NOL7: variants seen among roughly 807,000 people sequenced by gnomAD.
NOL7 encodes U3 small nucleolar RNA-associated protein NOL7.
A neutral mutation model predicts 38.4 loss-of-function variants in NOL7; 36 were observed. That is an observed-to-expected ratio of 0.94 (90% CI 0.72 to 1.24). The LOEUF is 1.24. Among genes scored for constraint, NOL7 ranks in the 50% most tolerant of loss-of-function variants. The pLI is 0.00. For missense variants in NOL7, 350 were observed against 315.1 expected (o/e 1.11, Z -0.84); for synonymous variants, 142 against 126.5 (o/e 1.12, Z -0.82).
intron 8 of NOL7, among the ~76,000 whole-genome samples, chr6:13,628,573 C>T (rs1052960815): frequency 2.6e-5 from 4 of 152,150 alleles, no homozygotes; most frequent in African/African-American, 9.7e-5. Context: ...CACTATAAAA[C>T]ATGGCTTGGA....
intron 8 of NOL7, among the ~76,000 whole-genome samples, chr6:13,628,323 C>T (rs1462636022): frequency 6.6e-6 from 1 of 152,144 alleles, no homozygotes; most frequent in Non-Finnish European, 1.5e-5. Flanking sequence ...GTCACTGCTT[C>T]AAGAAAAGGC....
At chr6:13,619,947 G>A (rs556028911) in intron 5 of NOL7, among the ~76,000 whole-genome samples, 1 of 152,304 alleles carries the variant, frequency 6.6e-6, no homozygotes, top group Non-Finnish European at 1.5e-5. Context: ...ACAAGGTCAG[G>A]AGTTCGAGAC....
chr6:13,617,717 T>C, intron 3 of NOL7, 53 bp from the exon 4 acceptor site: 1 of 1,559,464 alleles, frequency 6.4e-7, no homozygotes, highest in Non-Finnish European at 8.8e-7. Flanking sequence ...TATAACATGT[T>C]TTGAGTAATC....
chr6:13,629,771 A>C (rs1764722216), intron 8 of NOL7, among the ~76,000 whole-genome samples: 1 of 152,206 alleles, frequency 6.6e-6, no homozygotes, highest in Non-Finnish European at 1.5e-5. Context: ...ATAAGGAACA[A>C]AGACAACAGG....
At chr6:13,620,526 A>G (rs771187326) in intron 7 of NOL7, 41 bp downstream of exon 7, 1 of 1,524,168 alleles carries the variant, frequency 6.6e-7, no homozygotes, top group Non-Finnish European at 9.1e-7. Flanking sequence ...ATAGCTTTAT[A>G]TGTTGAATAA....
chr6:13,619,632 T>C (rs1402094931), intron 5 of NOL7, among the ~76,000 whole-genome samples: 4 of 152,256 alleles, frequency 2.6e-5, no homozygotes, highest in Admixed American at 1.3e-4. Flanking sequence ...TGTTAACTAA[T>C]GTTTTGACTT....
chr6:13,618,811 A>T (rs1374734774), intron 5 of NOL7, among the ~76,000 whole-genome samples: 6 of 152,144 alleles, frequency 3.9e-5, no homozygotes, highest in Admixed American at 3.9e-4. Context: ...GGATCACTTG[A>T]GCCCAGGAGG....
chr6:13,620,380 T>G, intron 6 of NOL7, 28 bp from the exon 7 acceptor site: 2 of 1,613,880 alleles, frequency 1.2e-6, no homozygotes, highest in East Asian at 4.5e-5. Context: ...AATAAAACTG[T>G]GAAATGATAA....
intron 8 of NOL7, among the ~76,000 whole-genome samples, chr6:13,629,442 C>A (rs906753503): frequency 1.3e-5 from 2 of 152,068 alleles, no homozygotes; most frequent in Non-Finnish European, 2.9e-5. Context: ...AAATATGTAG[C>A]ATTATGGGTT....
At position 13,620,393 on chromosome 6, in the gene NOL7, A is replaced by T; in HGVS notation, c.623-15A>T. On this transcript the variant is annotated splice_polypyrimidine_tract_variant and intron_variant, in intron 6 of 7. Coordinates refer to ENST00000451315, the MANE Select transcript of NOL7 (RefSeq NM_016167.5). ...CAAATAAAACTGTGAAATGATAAAT[A>T]CCTTTCTTTTCTAGTAAATAAGTTC... The T allele has an allele frequency of 6.2e-7, 1 of 1,614,016 alleles. No individual in the cohort carries two copies. Among genetic ancestry groups the T allele is most frequent in the Non-Finnish European group, 8.5e-7 (1 of 1,179,914 alleles).
downstream of NOL7, among the ~76,000 whole-genome samples, chr6:13,623,160 TA>T (rs565961938): frequency 1.4e-3 from 214 of 152,298 alleles, no homozygotes; most frequent in African/African-American, 4.7e-3. Flanking sequence ...ACAAATGCAA[TA>T]ATTAACAAAA....
At position 13,629,477 on chromosome 6, in the gene NOL7, C is replaced by T. The variant is rs144954616; in HGVS notation, n.574-2916C>T. Among the ~76,000 whole-genome samples the T allele has an allele frequency of 3.5e-3, 540 of 152,266 alleles. 1 individual carries two copies. Among genetic ancestry groups the T allele is most frequent in the African/African-American group, 0.012 (502 of 41,560 alleles). On this transcript the variant is annotated intron_variant and non_coding_transcript_variant, in intron 8 of 8. Transcript: ENST00000474485. ...TATTTTAAAGCAAAAAACATTACCT[C>T]AGTGGAATAACTTCTGAGGGAAATG...
intron 8 of NOL7, among the ~76,000 whole-genome samples, chr6:13,626,981 G>C: frequency 6.6e-6 from 1 of 152,154 alleles, no homozygotes; most frequent in Non-Finnish European, 1.5e-5. Context: ...GAGACCACAA[G>C]GCATGGAATA....
rs775031343 is a variant in NOL7, at chr6:13,620,879, A to AAATC, written c.*54_*57dup. 5.6e-6 allele frequency: 6 copies of AAATC among 1,079,332 alleles called. No homozygotes were observed. The highest frequency in any genetic ancestry group is 2.5e-5 in the East Asian group (1 of 40,208). 66.9% of individuals were successfully genotyped at this position (1,079,332 alleles called of 1,614,324 possible). On this transcript the variant is annotated 3_prime_UTR_variant, in exon 8 of 8. Coordinates refer to ENST00000451315, the MANE Select transcript of NOL7 (RefSeq NM_016167.5). ...TTTGTATGTATAGAATTTATCTAAT[A>AAATC]AATCATTCATAGATCATTTTAAAGG...
chr6:13,631,249 A>G (rs1346962768), intron 8 of NOL7, among the ~76,000 whole-genome samples: 1 of 152,216 alleles, frequency 6.6e-6, no homozygotes, highest in East Asian at 1.9e-4. Context: ...AGTTCAAAGT[A>G]TGATAAATAC....
At position 13,620,403 on chromosome 6, in the gene NOL7, T is replaced by C. The variant is rs780049662; in HGVS notation, c.623-5T>C. ...TGTGAAATGATAAATACCTTTCTTT[T>C]CTAGTAAATAAGTTCCTGTCTCTTG... is the stretch of plus-strand genomic sequence containing the variant. On this transcript the variant is annotated splice_region_variant and splice_polypyrimidine_tract_variant and intron_variant, in intron 6 of 7. Transcript: ENST00000451315. The C allele has an allele frequency of 8.7e-6, 14 of 1,614,104 alleles. 1 individual carries two copies. In the Middle Eastern group the frequency reaches 6.6e-4, roughly 76 times the overall value.
At chr6:13,623,871 T>C (rs1437278779), downstream of NOL7, among the ~76,000 whole-genome samples, 2 of 152,186 alleles carry the variant, frequency 1.3e-5, no homozygotes, top group Non-Finnish European at 2.9e-5. Flanking sequence ...TATGTGTCTA[T>C]AGATAATGGT....
At chr6:13,623,454 A>T (rs1764514870), downstream of NOL7, among the ~76,000 whole-genome samples, 1 of 152,214 alleles carries the variant, frequency 6.6e-6, no homozygotes, top group African/African-American at 2.4e-5. Flanking sequence ...ATCAGAAAGA[A>T]GCAAATTCAG....
chr6:13,620,637 A>T, intron 7 of NOL7, 117 bp from the exon 8 acceptor site: 1 of 963,324 alleles, frequency 1.0e-6, no homozygotes, highest in Non-Finnish European at 1.6e-6. Flanking sequence ...GTATGTATAT[A>T]CATCTAAAGT....
Sources: gnomAD v4.1 joint callset for allele counts (sites outside exome capture counted in the v4.1 genomes callset) on GRCh38, gnomAD v4.1.1 for gene constraint, MANE v1.5 for transcripts, NCBI Gene and HGNC (gene_info 2026-07-23, HGNC 2026-07-21) for gene names.